Variants in MYO5C observed in about 807,000 individuals in gnomAD.
The protein encoded by MYO5C is unconventional myosin-Vc.
A neutral mutation model predicts 235.7 loss-of-function variants in MYO5C; 194 were observed. The observed-to-expected ratio is 0.82, with a 90% CI of 0.73 to 0.93. The LOEUF (loss-of-function observed/expected upper bound fraction) is 0.93. MYO5C is among the 40% of genes least tolerant of loss of function. MYO5C has a pLI of 0.00. For missense variants in MYO5C, 2,038 were observed against 2,127.2 expected, an observed-to-expected ratio of 0.96 and a Z score of 0.82; for synonymous variants, 707 against 754.8, an observed-to-expected ratio of 0.94 and a Z score of 1.04.
At chr15:52,294,895 G>T (rs1006457870) in intron 1 of MYO5C, among the ~76,000 whole-genome samples, 2 of 152,182 alleles carry the variant, frequency 1.3e-5, no homozygotes, top group African/African-American at 4.8e-5. Flanking sequence ...TAGAAACTGT[G>T]GTGTTTGTAC....
chr15:52,263,602 G>A (rs548361319), intron 9 of MYO5C, among the ~76,000 whole-genome samples: 6 of 152,154 alleles, frequency 3.9e-5, no homozygotes, highest in African/African-American at 1.4e-4. Context: ...ATGGACCTTC[G>A]TGCTGTTTTT....
chr15:52,277,479 T>A (rs1240948574), intron 4 of MYO5C, among the ~76,000 whole-genome samples: 3 of 152,228 alleles, frequency 2.0e-5, no homozygotes, highest in Middle Eastern at 6.8e-3. Context: ...AGTATGCATT[T>A]GCATTCTCCT....
At chr15:52,212,826 G>A (rs569085544) in intron 34 of MYO5C, among the ~76,000 whole-genome samples, 1 of 152,298 alleles carries the variant, frequency 6.6e-6, no homozygotes, top group East Asian at 1.9e-4. Context: ...AAAATGAGGT[G>A]ATGTTTCTCT....
At chr15:52,239,462 A>G (rs552791934) in intron 21 of MYO5C, among the ~76,000 whole-genome samples, 2 of 152,376 alleles carry the variant, frequency 1.3e-5, no homozygotes, top group South Asian at 2.1e-4. Flanking sequence ...AACTTCACAC[A>G]GGAACACCTG....
At chr15:52,288,728 G>A (rs77524459) in intron 1 of MYO5C, among the ~76,000 whole-genome samples, 8,477 of 152,278 alleles carry the variant, frequency 0.056, 453 homozygotes, top group African/African-American at 0.14. Context: ...CAGAATATGG[G>A]GCCTTCCCAT....
Position 52,251,401 on chromosome 15 carries a change from A to C in MYO5C, c.1651T>G (p.Phe551Val). 6.3e-7 allele frequency: 1 copy of C among 1,595,242 alleles called. No homozygotes were observed. Among genetic ancestry groups the C allele is most frequent in the South Asian group, 1.1e-5 (1 of 88,384 alleles). ...MSNTSFVIQH[F>V]ADKVEYKCEG... is the part of the protein sequence containing the mutation. ...GACCTTCACGGTACCTTATCAGCAA[A>C]GTGCTGGATGACAAAGGATGTGTTT... Residue 551 changes from phenylalanine to valine, a missense_variant, in exon 13 of 41, where the codon TTT becomes GTT. Phe to Val is a conservative substitution (Grantham distance 50, BLOSUM62 -1). Transcript: ENST00000261839.
At chr15:52,274,762 T>C (rs1596221840) in intron 5 of MYO5C, among the ~76,000 whole-genome samples, 1 of 152,108 alleles carries the variant, frequency 6.6e-6, no homozygotes, top group East Asian at 2.0e-4. Flanking sequence ...TCTTATTCTT[T>C]TCCATCACTT....
At chr15:52,245,672 T>C (rs1310147558) in intron 17 of MYO5C, among the ~76,000 whole-genome samples, 1 of 152,192 alleles carries the variant, frequency 6.6e-6, no homozygotes, top group Non-Finnish European at 1.5e-5. Context: ...GCAATTGTGC[T>C]CTTTCTCCCA....
intron 2 of MYO5C, among the ~76,000 whole-genome samples, chr15:52,280,470 A>G (rs1246586901): frequency 1.3e-5 from 2 of 152,202 alleles, no homozygotes; most frequent in African/African-American, 2.4e-5. Context: ...GGCCTTTCCA[A>G]TGTCAGAGTA....
intron 9 of MYO5C, among the ~76,000 whole-genome samples, chr15:52,262,519 C>T (rs2036719012): frequency 6.6e-6 from 1 of 152,300 alleles, no homozygotes; most frequent in South Asian, 2.1e-4. Flanking sequence ...ACTTCAGACA[C>T]ACCACACTCT....
intron 4 of MYO5C, among the ~76,000 whole-genome samples, chr15:52,276,177 C>T (rs966744712): frequency 6.6e-6 from 1 of 152,096 alleles, no homozygotes; most frequent in Non-Finnish European, 1.5e-5. Flanking sequence ...TGTTGAGGGG[C>T]CCCAAGACCA....
intron 35 of MYO5C, 59 bp downstream of exon 35, chr15:52,211,671 G>T: frequency 6.4e-7 from 1 of 1,551,540 alleles, no homozygotes; most frequent in Non-Finnish European, 8.8e-7. Flanking sequence ...GCAAAGACTG[G>T]GCATCTGGTC....
chr15:52,258,572 C>T (rs1161248629), intron 10 of MYO5C, among the ~76,000 whole-genome samples: 1 of 152,172 alleles, frequency 6.6e-6, no homozygotes. Flanking sequence ...TTGAGGCTTC[C>T]TTATTTCCAA....
chr15:52,198,537 T>G (rs905973128), intron 38 of MYO5C, among the ~76,000 whole-genome samples: 1 of 152,168 alleles, frequency 6.6e-6, no homozygotes, highest in African/African-American at 2.4e-5. Flanking sequence ...TTTGAGTTCT[T>G]ATTACTTTTG....
chr15:52,279,659 C>A lies in MYO5C; in HGVS notation c.154G>T (p.Val52Phe). ...LEDGTELDYS[V>F]NPESLPPLRN... ...AGTGGAGGCAGAGATTCTGGATTGACAGAATAATCCAGCTCCTATGGACAA... is the reference window on the plus strand; with the variant it reads ...AGTGGAGGCAGAGATTCTGGATTGAAAGAATAATCCAGCTCCTATGGACAA... Residue 52 changes from valine to phenylalanine, a missense_variant, in exon 3 of 41, where the codon GTC becomes TTC. Val to Phe is a conservative substitution (Grantham distance 50). Coordinates refer to ENST00000261839, the MANE Select transcript of MYO5C (RefSeq NM_018728.4). 1 of 1,612,394 alleles carries A rather than the reference C, an allele frequency of 6.2e-7. No homozygotes were observed. Among genetic ancestry groups the A allele is most frequent in the Non-Finnish European group, 8.5e-7 (1 of 1,178,504 alleles).
At chr15:52,212,962 G>A (rs55676113) in intron 34 of MYO5C, among the ~76,000 whole-genome samples, 2,724 of 152,294 alleles carry the variant, frequency 0.018, 61 homozygotes, top group East Asian at 0.11. Context: ...AGGGGTTGCT[G>A]CTGCCTTCTA....
intron 20 of MYO5C, 42 bp downstream of exon 20, chr15:52,242,006 G>A: frequency 6.4e-7 from 1 of 1,558,538 alleles, no homozygotes; most frequent in African/African-American, 1.4e-5. Context: ...AGTAAGGAAG[G>A]CCCGTACACC....
At chr15:52,248,660 A>G (rs2036405919) in intron 14 of MYO5C, 40 bp downstream of exon 14, 1 of 1,374,312 alleles carries the variant, frequency 7.3e-7, no homozygotes, top group African/African-American at 1.4e-5. Flanking sequence ...ATCCATGTCA[A>G]TTATATAATA....
chr15:52,194,126 A>G, intron 40 of MYO5C, 72 bp from the exon 41 acceptor site: 1 of 1,482,166 alleles, frequency 6.7e-7, no homozygotes, highest in Non-Finnish European at 9.2e-7. Flanking sequence ...CTGAAAGTCA[A>G]GGCAAAACAC....
Sources: allele counts gnomAD v4.1 joint callset (sites outside exome capture counted in the v4.1 genomes callset), GRCh38; gene constraint gnomAD v4.1.1; transcripts MANE v1.5; gene names NCBI Gene and HGNC (gene_info 2026-07-23, HGNC 2026-07-21).